Variants in GRIK2 observed in about 807,000 individuals in gnomAD.
GRIK2 encodes glutamate receptor ionotropic, kainate 2.
GRIK2 carries 32 observed loss-of-function variants against 100.3 expected under a neutral mutation model. The ratio of observed to expected loss-of-function variants is 0.32; its 90% confidence interval spans 0.24 to 0.43. GRIK2 has a LOEUF of 0.43. GRIK2 is among the 20% of genes least tolerant of loss of function. The probability of loss-of-function intolerance (pLI) is 1.00; values close to 1 mark genes in which losing one functional copy is unlikely to be tolerated. For synonymous variants in GRIK2, 417 were observed against 389.4 expected (o/e 1.07, Z -0.83); for missense variants, 843 against 1,114.9 (o/e 0.76, Z 3.47).
At chr6:102,008,359 T>C (rs545606282) in intron 14 of GRIK2, among the ~76,000 whole-genome samples, 2 of 152,222 alleles carry the variant, frequency 1.3e-5, no homozygotes, top group East Asian at 1.9e-4. Flanking sequence ...ATTTACAAGA[T>C]AGGCATAAGC....
chr6:102,018,136 G>A (rs1045269366), intron 14 of GRIK2, among the ~76,000 whole-genome samples: 1 of 152,014 alleles, frequency 6.6e-6, no homozygotes, highest in African/African-American at 2.4e-5. Context: ...TAGTAAATAG[G>A]CTATTAATAA....
At chr6:101,670,355 A>G (rs1272969002) in intron 4 of GRIK2, among the ~76,000 whole-genome samples, 2 of 151,998 alleles carry the variant, frequency 1.3e-5, no homozygotes, top group Admixed American at 1.3e-4. Context: ...TCTTTTTTTC[A>G]CTCTTCAATG....
chr6:101,466,954 T>G (rs1028158928), intron 2 of GRIK2, among the ~76,000 whole-genome samples: 5 of 152,190 alleles, frequency 3.3e-5, no homozygotes, highest in African/African-American at 1.2e-4. Context: ...CTTGTAAAAA[T>G]AATTTTCTTT....
In GRIK2 at chr6:101,489,121, ATTCTGCTGTTT is replaced by A. The variant is rs1194284684; in HGVS notation, c.115+89733_115+89743del. Among the ~76,000 whole-genome samples, 8 of 146,382 alleles carry A rather than the reference ATTCTGCTGTTT, an allele frequency of 5.5e-5. 2 individuals are homozygous for A. The highest frequency in any genetic ancestry group is 1.8e-4 in the African/African-American group (7 of 38,476). On this transcript the variant is annotated intron_variant, in intron 2 of 16. Transcript: ENST00000369134. ...TAAACCTACTTCTAGAATACCCCCC[ATTCTGCTGTTT>A]TTCAAATGTCAAGTGCCAAAATGTC... is the stretch of plus-strand genomic sequence containing the variant.
Position 101,883,843 on chromosome 6 carries a change from A to G in GRIK2, c.1525-5797A>G, listed in dbSNP as rs1373229537. Among the ~76,000 whole-genome samples, 4 of 152,198 alleles carry G rather than the reference A, an allele frequency of 2.6e-5. 1 individual carries two copies. The highest frequency in any genetic ancestry group is 5.9e-5 in the Non-Finnish European group (4 of 68,040). On this transcript the variant is annotated intron_variant, in intron 11 of 16. Transcript: ENST00000369134. ...TGAAACAACAGTGAGAAAGACCAGAAGAATGATGGAACTAATGTTGATAAA... is the reference window on the plus strand; with the variant it reads ...TGAAACAACAGTGAGAAAGACCAGAGGAATGATGGAACTAATGTTGATAAA...
At chr6:101,429,578 C>A (rs1192328237) in intron 2 of GRIK2, among the ~76,000 whole-genome samples, 1 of 152,044 alleles carries the variant, frequency 6.6e-6, no homozygotes, top group Non-Finnish European at 1.5e-5. Context: ...CTCTCAGTGG[C>A]AACCTGGAAA....
intron 4 of GRIK2, among the ~76,000 whole-genome samples, chr6:101,656,285 A>G (rs1769161711): frequency 6.6e-6 from 1 of 151,202 alleles, no homozygotes; most frequent in Non-Finnish European, 1.5e-5. Flanking sequence ...CCTGGGTAAC[A>G]AGAGAGAGAC....
intron 12 of GRIK2, among the ~76,000 whole-genome samples, chr6:101,907,022 A>T (rs1006277029): frequency 2.6e-4 from 40 of 151,726 alleles, no homozygotes; most frequent in African/African-American, 9.7e-4. Flanking sequence ...TTTCTCAGAG[A>T]TTTGCAGTAT....
chr6:101,863,290 T>G (rs1287743494), intron 11 of GRIK2, among the ~76,000 whole-genome samples: 1 of 152,182 alleles, frequency 6.6e-6, no homozygotes, highest in Non-Finnish European at 1.5e-5. Context: ...AGTATATAAT[T>G]TCAAGTACTC....
intron 7 of GRIK2, among the ~76,000 whole-genome samples, chr6:101,732,208 C>A (rs1253653946): frequency 6.6e-6 from 1 of 151,592 alleles, no homozygotes; most frequent in Non-Finnish European, 1.5e-5. Flanking sequence ...TGATCTAGTC[C>A]TTTGGGATGA....
intron 2 of GRIK2, among the ~76,000 whole-genome samples, chr6:101,495,877 T>C (rs1040766757): frequency 7.9e-5 from 12 of 152,062 alleles, no homozygotes; most frequent in African/African-American, 2.2e-4. Context: ...CTAAATCATA[T>C]ACTGACTACA....
intron 14 of GRIK2, among the ~76,000 whole-genome samples, chr6:101,988,090 AGTGTGTGTGTGTGTGTGTGT>A (rs57491735): frequency 3.5e-5 from 5 of 141,426 alleles, no homozygotes; most frequent in Admixed American, 7.1e-5. Flanking sequence ...CCAGTATTAT[AGTGTGTGTGTGTGTGTGTGT>A]GTGTGTGTGT....
chr6:101,976,531 A>G (rs1053125735), intron 14 of GRIK2, among the ~76,000 whole-genome samples: 1 of 151,882 alleles, frequency 6.6e-6, no homozygotes, highest in African/African-American at 2.4e-5. Flanking sequence ...TCGTGTCTCT[A>G]TAAAAATATT....
intron 7 of GRIK2, among the ~76,000 whole-genome samples, chr6:101,792,452 C>T (rs926618814): frequency 1.2e-4 from 18 of 151,564 alleles, no homozygotes; most frequent in African/African-American, 3.6e-4. Context: ...TATTTTATTT[C>T]TCCTTCACTT....
intron 2 of GRIK2, among the ~76,000 whole-genome samples, chr6:101,552,888 T>C (rs975719442): frequency 2.0e-5 from 3 of 152,216 alleles, no homozygotes; most frequent in African/African-American, 7.2e-5. Flanking sequence ...AAAAACACTC[T>C]ATGTCTGAAG....
chr6:101,577,379 T>C (rs1450849208), intron 2 of GRIK2, among the ~76,000 whole-genome samples: 1 of 152,086 alleles, frequency 6.6e-6, no homozygotes, highest in Non-Finnish European at 1.5e-5. Flanking sequence ...AATGACACAA[T>C]ATTTTTATGA....
intron 2 of GRIK2, among the ~76,000 whole-genome samples, chr6:101,556,114 A>G (rs2749069): frequency 0.37 from 55,355 of 151,402 alleles, 11,443 homozygotes; most frequent in Non-Finnish European, 0.47. Context: ...CTAAATTGCA[A>G]ATATCTTTAT....
intron 10 of GRIK2, among the ~76,000 whole-genome samples, chr6:101,829,522 A>G (rs548669819): frequency 6.6e-6 from 1 of 152,014 alleles, no homozygotes; most frequent in Non-Finnish European, 1.5e-5. Flanking sequence ...GGACTCATAG[A>G]CCTGATAAAT....
At chr6:101,853,552 C>G (rs865978374) in intron 10 of GRIK2, among the ~76,000 whole-genome samples, 1 of 152,168 alleles carries the variant, frequency 6.6e-6, no homozygotes. Flanking sequence ...ACTAAGCATA[C>G]TCTTACCATA....
Sources: gnomAD v4.1 joint callset for allele counts (sites outside exome capture counted in the v4.1 genomes callset) on GRCh38, gnomAD v4.1.1 for gene constraint, MANE v1.5 for transcripts, NCBI Gene and HGNC (gene_info 2026-07-23, HGNC 2026-07-21) for gene names.